Variants in STK39 observed in about 807,000 individuals in gnomAD.
STK39 encodes the protein STE20/SPS1-related proline-alanine-rich protein kinase.
Under a neutral mutation model 77.8 loss-of-function variants are expected in STK39, and 20 were observed. That is an observed-to-expected ratio of 0.26 (90% CI 0.18 to 0.37). The LOEUF is 0.37. Among genes scored for constraint, STK39 ranks in the 10% least tolerant of loss-of-function variants. STK39 has a pLI of 1.00. For synonymous variants in STK39, 246 were observed against 234.1 expected (o/e 1.05, Z -0.47); for missense variants, 479 against 656.5 (o/e 0.73, Z 2.95).
intron 14 of STK39, among the ~76,000 whole-genome samples, chr2:168,040,308 T>A (rs1400174306): frequency 2.0e-5 from 3 of 152,030 alleles, no homozygotes; most frequent in African/African-American, 7.2e-5. Flanking sequence ...GCCAAAAAAA[T>A]TACCATAGGT....
At chr2:167,975,822 T>C (rs777689982) in intron 16 of STK39, among the ~76,000 whole-genome samples, 5 of 152,142 alleles carry the variant, frequency 3.3e-5, no homozygotes, top group Non-Finnish European at 5.9e-5. Context: ...GAATTCTCCA[T>C]GACCGCAGAA....
chr2:168,115,404 T>A (rs1687233141), intron 10 of STK39, among the ~76,000 whole-genome samples: 1 of 152,222 alleles, frequency 6.6e-6, no homozygotes, highest in African/African-American at 2.4e-5. Context: ...TAAGGTGATA[T>A]GTGTCAATAA....
chr2:168,037,456 T>C (rs1190346817), intron 14 of STK39, among the ~76,000 whole-genome samples: 2 of 152,190 alleles, frequency 1.3e-5, no homozygotes, highest in African/African-American at 4.8e-5. Flanking sequence ...CAATGATCTA[T>C]GATGTGAAAT....
chr2:167,992,337 C>A (rs924283908), intron 16 of STK39, among the ~76,000 whole-genome samples: 1 of 151,678 alleles, frequency 6.6e-6, no homozygotes, highest in African/African-American at 2.4e-5. Flanking sequence ...CCAACAACAA[C>A]AACAAAAAAA....
In STK39 at chr2:168,026,335, G is replaced by A. The variant is rs567147975; in HGVS notation, c.1377-9240C>T. Among the ~76,000 whole-genome samples, 174 of 152,228 alleles carry A rather than the reference G, an allele frequency of 1.1e-3. 1 individual carries two copies. In the Middle Eastern group the frequency reaches 0.024, roughly 21 times the overall value. On this transcript the variant is annotated intron_variant, in intron 14 of 17. Coordinates refer to ENST00000355999, the MANE Select transcript of STK39 (RefSeq NM_013233.3). ...ACTCCTGTCAAATTAATCTTCCTCC[G>A]AGGTAAAGGTCCAATCACAGAATCA...
chr2:168,107,110 C>T (rs920236146), intron 10 of STK39, among the ~76,000 whole-genome samples: 14 of 152,186 alleles, frequency 9.2e-5, no homozygotes, highest in African/African-American at 3.4e-4. Flanking sequence ...GCACTGCTTA[C>T]AAAATACTTC....
chr2:168,093,792 C>A (rs1269755784), intron 10 of STK39, among the ~76,000 whole-genome samples: 1 of 152,148 alleles, frequency 6.6e-6, no homozygotes. Context: ...GCAAACTGGT[C>A]GCTGCATGTC....
intron 16 of STK39, among the ~76,000 whole-genome samples, chr2:167,999,586 C>T (rs1052437634): frequency 1.3e-5 from 2 of 152,014 alleles, no homozygotes; most frequent in South Asian, 2.1e-4. Flanking sequence ...CTCAGCCTCC[C>T]GAGTAGCTGG....
At chr2:168,235,668 T>C (rs569222496) in intron 1 of STK39, among the ~76,000 whole-genome samples, 7 of 136,932 alleles carry the variant, frequency 5.1e-5, no homozygotes, top group South Asian at 4.9e-4. Flanking sequence ...TGTGTTCTCA[T>C]TGTTCAATTC....
At chr2:168,048,988 GT>G (rs1385560763) in intron 14 of STK39, among the ~76,000 whole-genome samples, 2 of 152,202 alleles carry the variant, frequency 1.3e-5, no homozygotes, top group Non-Finnish European at 2.9e-5. Flanking sequence ...TGACGAGATG[GT>G]TTTCATCACC....
At chr2:167,996,266 A>C (rs1683836413) in intron 16 of STK39, among the ~76,000 whole-genome samples, 1 of 152,218 alleles carries the variant, frequency 6.6e-6, no homozygotes, top group Non-Finnish European at 1.5e-5. Flanking sequence ...ATTTTCTCAC[A>C]GTATCCTTCC....
chr2:168,247,525 C>A lies in STK39; in HGVS notation c.-90G>T. 9.9e-7 allele frequency: 1 copy of A among 1,007,316 alleles called. No individual in the cohort carries two copies. The highest frequency in any genetic ancestry group is 1.2e-6 in the Non-Finnish European group (1 of 820,874). The allele number at this position is 1,007,316 out of a possible 1,614,324, so 62.4% of individuals were successfully genotyped here. On this transcript the variant is annotated 5_prime_UTR_variant, in exon 1 of 18. Coordinates refer to ENST00000355999, the MANE Select transcript of STK39 (RefSeq NM_013233.3). The stretch of plus-strand genomic sequence containing the variant: ...TTGCCTCGCCGCCGACACCTCTCGG[C>A]CGGCGCACGCCCTCCCCGCCCGCCG...
rs533288725 is a variant in STK39, at chr2:168,126,077, A to G, written c.1089+3464T>C. 3.9e-5 allele frequency among the ~76,000 whole-genome samples: 6 copies of G among 152,340 alleles called. No homozygotes were observed. The East Asian group carries it at 1.2e-3, about 29-fold the overall frequency. On this transcript the variant is annotated intron_variant, in intron 10 of 17. Transcript: ENST00000355999. ...AAGAGAGGAGAAGAGAATGCTGTTT[A>G]TGACAGCAAATTTCTAATCAACATG...
chr2:168,163,240 T>C (rs551029970), intron 4 of STK39, among the ~76,000 whole-genome samples: 1 of 152,312 alleles, frequency 6.6e-6, no homozygotes. Context: ...CAAAAGAAGA[T>C]GAGTACCTCT....
chr2:167,957,801 C>A (rs1359117076), intron 17 of STK39, among the ~76,000 whole-genome samples: 1 of 152,160 alleles, frequency 6.6e-6, no homozygotes, highest in African/African-American at 2.4e-5. Context: ...AATATTAAAT[C>A]CTTTCTTGTG....
chr2:168,247,547 G>GCCGCCGCCGCCGCCA lies in STK39; in HGVS notation c.-113_-112insTGGCGGCGGCGGCGG. Reference sequence around the variant, plus strand: ...CGGCCGGCGCACGCCCTCCCCGCCCGCCGCCGCCGCCGCCGTCCCCGCCGA... The same window carrying GCCGCCGCCGCCGCCA: ...CGGCCGGCGCACGCCCTCCCCGCCCGCCGCCGCCGCCGCCACCGCCGCCGCCGCCGTCCCCGCCGA... On this transcript the variant is annotated 5_prime_UTR_variant, in exon 1 of 18. Transcript: ENST00000355999. 2 of 628,876 alleles carry GCCGCCGCCGCCGCCA rather than the reference G, an allele frequency of 3.2e-6. No homozygotes were observed. Among genetic ancestry groups the GCCGCCGCCGCCGCCA allele is most frequent in the South Asian group, 4.9e-5 (1 of 20,254 alleles). 39.0% of individuals were successfully genotyped at this position (628,876 alleles called of 1,614,324 possible).
chr2:168,024,876 C>A (rs996408210), intron 14 of STK39, among the ~76,000 whole-genome samples: 1 of 152,318 alleles, frequency 6.6e-6, no homozygotes, highest in Non-Finnish European at 1.5e-5. Context: ...AAATCACAGT[C>A]TGAACAACAG....
intron 2 of STK39, among the ~76,000 whole-genome samples, chr2:168,176,799 T>C (rs931735817): frequency 1.2e-4 from 18 of 152,310 alleles, no homozygotes; most frequent in African/African-American, 4.1e-4. Flanking sequence ...CCCAAATCTA[T>C]GAATTTACAG....
chr2:168,010,228 T>C (rs933051362), intron 16 of STK39, among the ~76,000 whole-genome samples: 3 of 150,842 alleles, frequency 2.0e-5, no homozygotes, highest in Non-Finnish European at 4.4e-5. Context: ...TCTGGATGCT[T>C]AGCATATGGA....
Sources: gnomAD v4.1 joint callset for allele counts (sites outside exome capture counted in the v4.1 genomes callset) on GRCh38, gnomAD v4.1.1 for gene constraint, MANE v1.5 for transcripts, NCBI Gene and HGNC (gene_info 2026-07-23, HGNC 2026-07-21) for gene names.